The following LGSN variants were observed in gnomAD, a reference collection of about 807,000 sequenced individuals.
LGSN encodes lengsin, lens protein with glutamine synthetase domain.
Under a neutral mutation model 19.5 loss-of-function variants are expected in LGSN, and 21 were observed. That is an observed-to-expected ratio of 1.07 (90% confidence interval 0.76 to 1.55). The LOEUF (loss-of-function observed/expected upper bound fraction) is 1.55, where lower values mean the gene tolerates loss of function less well. LGSN is among the 40% of genes most tolerant of loss of function. LGSN has a pLI of 0.00. For missense variants in LGSN, 673 were observed against 608.5 expected, an observed-to-expected ratio of 1.11 and a Z score of -1.12; for synonymous variants, 257 against 215.6, an observed-to-expected ratio of 1.19 and a Z score of -1.68.
the LGSN span, among the ~76,000 whole-genome samples, chr6:63,453,256 T>A: frequency 6.6e-6 from 1 of 152,308 alleles, no homozygotes; most frequent in Non-Finnish European, 1.5e-5. Flanking sequence ...GAAAAGAATA[T>A]GTACTCTGCT....
At chr6:63,405,601 C>T in the LGSN span, among the ~76,000 whole-genome samples, 1 of 152,130 alleles carries the variant, frequency 6.6e-6, no homozygotes, top group East Asian at 1.9e-4. Flanking sequence ...GCATAAATGT[C>T]TTCTTTTGAG....
At chr6:63,537,891 A>G in the LGSN span, among the ~76,000 whole-genome samples, 1 of 152,232 alleles carries the variant, frequency 6.6e-6, no homozygotes, top group African/African-American at 2.4e-5. Context: ...AGTTGGGGAG[A>G]ATCCTACCAA....
Position 63,277,684 on chromosome 6 carries a change from C to T in LGSN, c.*2337G>A. On this transcript the variant is annotated 3_prime_UTR_variant, in exon 4 of 4. Transcript: ENST00000370657. The stretch of plus-strand genomic sequence containing the variant: ...ACCCTGTGGAGCAAACCTCCCTTCC[C>T]AAGGACATAATCCTAGCCACATTAT... 6.6e-6 allele frequency: 1 copy of T among 152,124 alleles called. No homozygotes were observed. 9.4% of individuals were successfully genotyped at this position (152,124 alleles called of 1,614,324 possible). A position where few individuals can be genotyped will look rare whatever the true frequency, so the allele number is the denominator to read the frequency against.
the LGSN span, among the ~76,000 whole-genome samples, chr6:63,442,216 A>T: frequency 6.6e-6 from 1 of 152,168 alleles, no homozygotes; most frequent in African/African-American, 2.4e-5. Flanking sequence ...AGGAGTGAAG[A>T]TGCAGACCTT....
chr6:63,476,242 G>A, the LGSN span, among the ~76,000 whole-genome samples: 1 of 152,134 alleles, frequency 6.6e-6, no homozygotes, highest in African/African-American at 2.4e-5. Context: ...CAAGTTTTCA[G>A]ATTGTGTTCT....
chr6:63,388,036 TTTTG>T, the LGSN span, among the ~76,000 whole-genome samples: 1 of 151,152 alleles, frequency 6.6e-6, no homozygotes, highest in Non-Finnish European at 1.5e-5. Flanking sequence ...CAGCTAATTT[TTTTG>T]TTTTTTTTTT....
chr6:63,545,227 C>T, the LGSN span, among the ~76,000 whole-genome samples: 2 of 152,200 alleles, frequency 1.3e-5, no homozygotes, highest in Non-Finnish European at 2.9e-5. Context: ...CTGGAAGTCT[C>T]TTCAAGCAGA....
the LGSN span, among the ~76,000 whole-genome samples, chr6:63,557,159 A>T: frequency 6.6e-6 from 1 of 152,240 alleles, no homozygotes; most frequent in South Asian, 2.1e-4. Context: ...ACATTTAAAA[A>T]ATGATTATCA....
chr6:63,499,230 T>C, the LGSN span, among the ~76,000 whole-genome samples: 1 of 152,112 alleles, frequency 6.6e-6, no homozygotes, highest in Non-Finnish European at 1.5e-5. Flanking sequence ...TTTACATTAA[T>C]GTGTGGACAT....
chr6:63,445,500 C>T, the LGSN span, among the ~76,000 whole-genome samples: 4 of 152,024 alleles, frequency 2.6e-5, no homozygotes, highest in African/African-American at 2.4e-5. Context: ...CGCTTGTAGT[C>T]CCAGCTACTT....
intron 1 of LGSN, among the ~76,000 whole-genome samples, chr6:63,301,278 G>C (rs940085744): frequency 1.1e-4 from 16 of 152,028 alleles, no homozygotes; most frequent in Non-Finnish European, 1.6e-4. Context: ...GTGACAGAAT[G>C]AGACTCTGTC....
At chr6:63,371,686 T>C in the LGSN span, among the ~76,000 whole-genome samples, 1 of 152,202 alleles carries the variant, frequency 6.6e-6, no homozygotes, top group Non-Finnish European at 1.5e-5. Flanking sequence ...AAATAACACA[T>C]TTTCTTAGTA....
the LGSN span, among the ~76,000 whole-genome samples, chr6:63,368,696 TTTTG>T: frequency 6.6e-6 from 1 of 152,262 alleles, no homozygotes; most frequent in East Asian, 1.9e-4. Context: ...AATTCATTTA[TTTTG>T]TTTATTGTCT....
intron 1 of LGSN, among the ~76,000 whole-genome samples, chr6:63,306,489 A>G (rs2127393162): frequency 6.6e-6 from 1 of 152,312 alleles, no homozygotes; most frequent in East Asian, 1.9e-4. Context: ...CACCAGTTTA[A>G]CCTTCATTAG....
chr6:63,460,777 A>C, the LGSN span, among the ~76,000 whole-genome samples: 16 of 152,286 alleles, frequency 1.1e-4, no homozygotes, highest in African/African-American at 3.6e-4. Flanking sequence ...TGAACCTCCC[A>C]AAAATTAGGA....
At chr6:63,572,513 G>GGCCGGCTCGGCTACGC in the LGSN span, 2 of 391,692 alleles carry the variant, frequency 5.1e-6, no homozygotes, top group South Asian at 2.5e-4. Context: ...TTCGGCTGCG[G>GGCCGGCTCGGCTACGC]GCCGGCTCGG....
the LGSN span, among the ~76,000 whole-genome samples, chr6:63,402,110 T>C: frequency 1.1e-4 from 17 of 152,182 alleles, 1 homozygote; most frequent in Admixed American, 1.1e-3. Flanking sequence ...ATGTGGAAGT[T>C]TGATGACAGT....
chr6:63,491,566 G>A, the LGSN span, among the ~76,000 whole-genome samples: 3 of 152,046 alleles, frequency 2.0e-5, no homozygotes, highest in East Asian at 3.9e-4. Context: ...AATATGAATG[G>A]GCAGAAGACA....
intron 1 of LGSN, among the ~76,000 whole-genome samples, chr6:63,300,368 G>A (rs773021987): frequency 1.4e-4 from 22 of 152,122 alleles, no homozygotes; most frequent in African/African-American, 2.4e-4. Context: ...TTAAAGCTGC[G>A]TTAAATTCAG....
Sources: gnomAD v4.1 joint callset for allele counts (sites outside exome capture counted in the v4.1 genomes callset) on GRCh38, gnomAD v4.1.1 for gene constraint, MANE v1.5 for transcripts, NCBI Gene and HGNC (gene_info 2026-07-23, HGNC 2026-07-21) for gene names.